IGSF11: variants seen among roughly 807,000 people sequenced by gnomAD.
The protein encoded by IGSF11 is CXADR like 1.
Under a neutral mutation model 41.0 loss-of-function variants are expected in IGSF11, and 22 were observed. That is an observed-to-expected ratio of 0.54 (90% confidence interval 0.38 to 0.77). The LOEUF is 0.77. IGSF11 is among the 30% of genes least tolerant of loss of function. The probability of loss-of-function intolerance (pLI) is 0.00; values close to 1 mark genes in which losing one functional copy is unlikely to be tolerated. For synonymous variants in IGSF11, 219 were observed against 201.3 expected (o/e 1.09, Z -0.74); for missense variants, 444 against 530.8 (o/e 0.84, Z 1.61).
chr3:119,001,462 GTTTTC>G (rs1417378447), intron 1 of IGSF11, among the ~76,000 whole-genome samples: 2 of 123,596 alleles, frequency 1.6e-5, no homozygotes, highest in African/African-American at 8.1e-5. Context: ...CTGGCCCCAG[GTTTTC>G]TTTTTTTTTT....
chr3:119,114,309 C>T (rs1237769101), intron 1 of IGSF11, among the ~76,000 whole-genome samples: 1 of 152,240 alleles, frequency 6.6e-6, no homozygotes, highest in East Asian at 1.9e-4. Context: ...CTTTTATACT[C>T]TGTTACCCTT....
chr3:119,055,591 GA>G (rs1348461990), intron 1 of IGSF11, among the ~76,000 whole-genome samples: 1 of 152,148 alleles, frequency 6.6e-6, no homozygotes, highest in Non-Finnish European at 1.5e-5. Flanking sequence ...GGATACCCAG[GA>G]ATTGAACTCA....
chr3:119,126,948 C>A (rs1316273568), intron 1 of IGSF11, among the ~76,000 whole-genome samples: 1 of 151,990 alleles, frequency 6.6e-6, no homozygotes, highest in Non-Finnish European at 1.5e-5. Flanking sequence ...TGCTGAAAAC[C>A]CAAAAGGTCA....
upstream of IGSF11, chr3:119,034,846 TAGCCGACCCCTCGCGCAGTCCGGGG>T (rs1940793799): frequency 8.2e-7 from 1 of 1,221,758 alleles, no homozygotes; most frequent in African/African-American, 1.6e-5. Context: ...GCCCCAGGAC[TAGCCGACCCCTCGCGCAGTCCGGGG>T]AGCCACTCCC....
rs1940783485 is a variant in IGSF11 at position 119,034,745 on chromosome 3, A to G, written c.-163T>C. The G allele has an allele frequency of 1.5e-6, 2 of 1,326,824 alleles. No individual in the cohort carries two copies. Among genetic ancestry groups the G allele is most frequent in the Non-Finnish European group, 1.9e-6 (2 of 1,036,260 alleles). The allele number at this position is 1,326,824 out of a possible 1,614,324, so 82.2% of individuals were successfully genotyped here. Reference sequence around the variant, plus strand: ...GCTGGGACTGTCAGACCCACAGACGAGCCAAGTGCAGCTGCAGCGCCGCCC... The same window carrying G: ...GCTGGGACTGTCAGACCCACAGACGGGCCAAGTGCAGCTGCAGCGCCGCCC... On this transcript the variant is annotated 5_prime_UTR_variant, in exon 1 of 7. Coordinates refer to ENST00000393775, the MANE Select transcript of IGSF11 (RefSeq NM_001015887.3).
intron 1 of IGSF11, 151 bp from the exon 2 acceptor site, chr3:118,930,426 T>A (rs1190004948): frequency 3.1e-6 from 2 of 651,102 alleles, no homozygotes; most frequent in East Asian, 3.2e-5. Context: ...GACCAGTCAC[T>A]GAGTCAAAAT....
Position 119,034,712 on chromosome 3 carries a change from C to A in IGSF11, c.-130G>T, listed in dbSNP as rs1044662002. On this transcript the variant is annotated 5_prime_UTR_variant, in exon 1 of 7. Transcript: ENST00000393775. ...CACCCAGCGCCGGGCCGCTGTTCCC[C>A]GCGCAGAGCTGGGACTGTCAGACCC... 2.9e-6 allele frequency: 4 copies of A among 1,381,678 alleles called. No homozygotes were observed. Among genetic ancestry groups the A allele is most frequent in the Admixed American group, 3.2e-5 (1 of 31,504 alleles). The allele number at this position is 1,381,678 out of a possible 1,614,324, so 85.6% of individuals were successfully genotyped here.
intron 1 of IGSF11, among the ~76,000 whole-genome samples, chr3:119,081,268 T>A (rs1279153594): frequency 6.6e-6 from 1 of 152,166 alleles, no homozygotes; most frequent in Non-Finnish European, 1.5e-5. Context: ...TTTGTCTCTA[T>A]CTTTCCATCT....
At chr3:118,947,291 C>T (rs1428331064) in intron 1 of IGSF11, 2 of 152,142 alleles carry the variant, frequency 1.3e-5, no homozygotes, top group Non-Finnish European at 2.9e-5. Flanking sequence ...AACATAGAAG[C>T]ATCCAACAAA....
chr3:119,022,247 A>G lies in IGSF11; in HGVS notation c.52+12284T>C, dbSNP rs548878998. On this transcript the variant is annotated intron_variant, in intron 1 of 6. Transcript: ENST00000393775. Reference sequence around the variant, plus strand: ...GAATAGGTAAATTTATAGAGATAAGAAGTAGATTAGAGGTTACCAGGGGTT... The same window carrying G: ...GAATAGGTAAATTTATAGAGATAAGGAGTAGATTAGAGGTTACCAGGGGTT... 1.5e-3 allele frequency among the ~76,000 whole-genome samples: 225 copies of G among 152,272 alleles called. 3 individuals carry two copies. In the Middle Eastern group the frequency reaches 0.024, roughly 16 times the overall value.
At chr3:119,116,998 A>G (rs1388687493) in intron 1 of IGSF11, among the ~76,000 whole-genome samples, 1 of 151,846 alleles carries the variant, frequency 6.6e-6, no homozygotes, top group African/African-American at 2.4e-5. Context: ...CTTTTCCCAA[A>G]CTGTCCTTGA....
At chr3:118,991,288 CTATTGTTGTGGGCAGGCCCAA>C (rs1192352108) in intron 1 of IGSF11, among the ~76,000 whole-genome samples, 1 of 152,172 alleles carries the variant, frequency 6.6e-6, no homozygotes, top group Non-Finnish European at 1.5e-5. Context: ...TATCATAACA[CTATTGTTGTGGGCAGGCCCAA>C]TATCTATGTT....
intron 1 of IGSF11, among the ~76,000 whole-genome samples, chr3:119,134,711 A>C (rs193131845): frequency 1.8e-4 from 27 of 152,318 alleles, no homozygotes; most frequent in African/African-American, 6.5e-4. Flanking sequence ...GGAAAAAACT[A>C]AAGTTCATAT....
At position 119,041,182 on chromosome 3, in the gene IGSF11, C is replaced by T. The variant is rs976718056; in HGVS notation, c.49+63962G>A. Among the ~76,000 whole-genome samples, 14 of 152,156 alleles carry T rather than the reference C, an allele frequency of 9.2e-5. No homozygotes were observed. The East Asian group carries it at 2.7e-3, about 29-fold the overall frequency. On this transcript the variant is annotated intron_variant, in intron 1 of 6. Transcript: ENST00000354673. Reference sequence around the variant, plus strand: ...TAAAATGTTTAACAAATATATAATACAGAAGATTGACACAGTCAAATATTT... The same window carrying T: ...TAAAATGTTTAACAAATATATAATATAGAAGATTGACACAGTCAAATATTT...
intron 1 of IGSF11, among the ~76,000 whole-genome samples, chr3:118,942,261 A>G (rs1943754969): frequency 2.6e-5 from 4 of 152,204 alleles, no homozygotes; most frequent in Admixed American, 2.0e-4. Context: ...ATACTGTAAA[A>G]CTGGCTTAAG....
intron 4 of IGSF11, among the ~76,000 whole-genome samples, chr3:118,925,348 G>A (rs2107524593): frequency 6.6e-6 from 1 of 152,152 alleles, no homozygotes; most frequent in East Asian, 1.9e-4. Context: ...AACACTTTAT[G>A]GTTAACTTTC....
At chr3:119,094,806 G>T (rs1317156863) in intron 1 of IGSF11, among the ~76,000 whole-genome samples, 2 of 151,642 alleles carry the variant, frequency 1.3e-5, no homozygotes, top group African/African-American at 4.9e-5. Flanking sequence ...CGAGTAGCTG[G>T]GATTACAGGC....
chr3:118,903,616 G>T, intron 6 of IGSF11, among the ~76,000 whole-genome samples: 1 of 152,092 alleles, frequency 6.6e-6, no homozygotes, highest in East Asian at 1.9e-4. Context: ...CCCTGCATAT[G>T]GCCCAAACGC....
intron 1 of IGSF11, among the ~76,000 whole-genome samples, chr3:118,953,483 T>C (rs148450693): frequency 2.6e-5 from 4 of 152,338 alleles, no homozygotes; most frequent in African/African-American, 9.6e-5. Context: ...TCCACACTGT[T>C]TTCCATAGTG....
Sources: gnomAD v4.1 joint callset for allele counts (sites outside exome capture counted in the v4.1 genomes callset) on GRCh38, gnomAD v4.1.1 for gene constraint, MANE v1.5 for transcripts, NCBI Gene and HGNC (gene_info 2026-07-23, HGNC 2026-07-21) for gene names.